INPP5F: variants seen among roughly 807,000 people sequenced by gnomAD.
The protein encoded by INPP5F is phosphatidylinositide 4-phosphatase SAC2.
Under a neutral mutation model 137.2 loss-of-function variants are expected in INPP5F, and 97 were observed. The ratio of observed to expected loss-of-function variants is 0.71; its 90% confidence interval spans 0.60 to 0.84. The LOEUF (loss-of-function observed/expected upper bound fraction) is 0.84. Among genes scored for constraint, INPP5F ranks in the 40% least tolerant of loss-of-function variants. The probability of loss-of-function intolerance (pLI) is 0.00; values close to 1 mark genes in which losing one functional copy is unlikely to be tolerated. For synonymous variants in INPP5F, 504 were observed against 476.9 expected (o/e 1.06, Z -0.74); for missense variants, 1,271 against 1,371.9 (o/e 0.93, Z 1.16).
At chr10:119,753,467 C>T (rs538546157) in intron 2 of INPP5F, among the ~76,000 whole-genome samples, 40 of 152,298 alleles carry the variant, frequency 2.6e-4, no homozygotes, top group Admixed American at 1.3e-3. Context: ...CTGCTCTTGT[C>T]TGTTGTGTTG....
chr10:119,825,207 C>A (rs940834720), intron 19 of INPP5F, among the ~76,000 whole-genome samples: 1 of 152,132 alleles, frequency 6.6e-6, no homozygotes, highest in Non-Finnish European at 1.5e-5. Context: ...TGACAGATAC[C>A]TTTGTCATGT....
intron 1 of INPP5F, among the ~76,000 whole-genome samples, chr10:119,730,324 G>T (rs1291346129): frequency 6.6e-6 from 1 of 152,170 alleles, no homozygotes; most frequent in Non-Finnish European, 1.5e-5. Context: ...TGGCCAGGCT[G>T]GTCTCGAACT....
intron 3 of INPP5F, among the ~76,000 whole-genome samples, chr10:119,790,263 CT>C (rs1850094130): frequency 6.6e-6 from 1 of 152,096 alleles, no homozygotes; most frequent in Non-Finnish European, 1.5e-5. Flanking sequence ...GTTCTGTCTT[CT>C]CTCCTTCCGT....
chr10:119,797,674 G>C, intron 8 of INPP5F, 34 bp downstream of exon 8: 1 of 1,506,496 alleles, frequency 6.6e-7, no homozygotes, highest in Non-Finnish European at 9.0e-7. Flanking sequence ...TGCAAATGAT[G>C]ATTTCAGAGA....
At position 119,757,861 on chromosome 10, in the gene INPP5F, TG is replaced by T. The variant is rs1477280724; in HGVS notation, c.178+6706del. 5.9e-5 allele frequency among the ~76,000 whole-genome samples: 9 copies of T among 152,358 alleles called. 1 individual carries two copies. Among genetic ancestry groups the T allele is most frequent in the Admixed American group, 5.9e-4 (9 of 15,304 alleles). Reference sequence around the variant, plus strand: ...ATATTAATTTTTTCTTTTTCTTTTTTGTCTGTCTTCTCATGGAAATAACCTC... The same window carrying T: ...ATATTAATTTTTTCTTTTTCTTTTTTTCTGTCTTCTCATGGAAATAACCTC... On this transcript the variant is annotated intron_variant, in intron 2 of 19. Transcript: ENST00000650623.
chr10:119,747,079 A>C (rs1279544926), intron 1 of INPP5F, among the ~76,000 whole-genome samples: 1 of 152,072 alleles, frequency 6.6e-6, no homozygotes, highest in Admixed American at 6.5e-5. Flanking sequence ...ATGAGCCACC[A>C]TGCCCGGCCA....
chr10:119,733,230 G>A (rs535380107), intron 1 of INPP5F, among the ~76,000 whole-genome samples: 3 of 152,308 alleles, frequency 2.0e-5, no homozygotes, highest in African/African-American at 7.2e-5. Flanking sequence ...AATGCTAATA[G>A]TGTGATAACT....
intron 2 of INPP5F, among the ~76,000 whole-genome samples, chr10:119,774,431 A>C (rs967084609): frequency 6.6e-6 from 1 of 151,768 alleles, no homozygotes. Flanking sequence ...CTCTAAATGA[A>C]AGTTCTGTGG....
chr10:119,775,209 A>T (rs77188913), intron 2 of INPP5F, among the ~76,000 whole-genome samples: 6,342 of 152,112 alleles, frequency 0.042, 238 homozygotes, highest in South Asian at 0.22. Context: ...AGAATCTAAA[A>T]TTTTTTTTGC....
chr10:119,819,687 C>A, intron 15 of INPP5F: 1 of 457,590 alleles, frequency 2.2e-6, no homozygotes, highest in Non-Finnish European at 3.8e-6. Flanking sequence ...TGTTCCCGGT[C>A]TTGGCATCTC....
At chr10:119,756,216 C>CT (rs1848838197) in intron 2 of INPP5F, among the ~76,000 whole-genome samples, 2 of 151,910 alleles carry the variant, frequency 1.3e-5, no homozygotes, top group Non-Finnish European at 2.9e-5. Flanking sequence ...TTTTTTCCCT[C>CT]TTAAAGATCC....
intron 2 of INPP5F, among the ~76,000 whole-genome samples, chr10:119,756,490 G>A (rs1411244206): frequency 6.6e-6 from 1 of 151,920 alleles, no homozygotes; most frequent in Non-Finnish European, 1.5e-5. Flanking sequence ...ACAAAAATTA[G>A]CTGGGTGTGG....
At chr10:119,735,814 C>T (rs1848199845) in intron 1 of INPP5F, among the ~76,000 whole-genome samples, 1 of 152,196 alleles carries the variant, frequency 6.6e-6, no homozygotes, top group African/African-American at 2.4e-5. Flanking sequence ...ATATTTATTT[C>T]TCCTAACAAA....
intron 2 of INPP5F, among the ~76,000 whole-genome samples, chr10:119,775,154 G>A (rs1178412459): frequency 6.6e-6 from 1 of 152,070 alleles, no homozygotes; most frequent in Non-Finnish European, 1.5e-5. Context: ...GTTTCCTTAG[G>A]GGGAAAAATC....
chr10:119,799,879 C>T (rs1425663150), intron 9 of INPP5F, among the ~76,000 whole-genome samples: 1 of 151,840 alleles, frequency 6.6e-6, no homozygotes, highest in African/African-American at 2.4e-5. Flanking sequence ...TATTGTCTTC[C>T]CATGTTTTCA....
intron 19 of INPP5F, among the ~76,000 whole-genome samples, chr10:119,826,221 A>G (rs562455706): frequency 6.6e-6 from 1 of 152,196 alleles, no homozygotes; most frequent in African/African-American, 2.4e-5. Flanking sequence ...CACTCACCAC[A>G]TGTGGTTGTG....
chr10:119,730,776 GATGAATCCC>G (rs1848033820), intron 1 of INPP5F, among the ~76,000 whole-genome samples: 14 of 137,520 alleles, frequency 1.0e-4, no homozygotes, highest in African/African-American at 3.8e-4. Context: ...TACTCTAAGT[GATGAATCCC>G]AGTGAACTTT....
chr10:119,774,389 C>T lies in INPP5F; in HGVS notation c.179-7246C>T, dbSNP rs1019884230. Among the ~76,000 whole-genome samples, 19 of 151,874 alleles carry T rather than the reference C, an allele frequency of 1.3e-4. No homozygotes were observed. The South Asian group carries it at 2.9e-3, about 23-fold the overall frequency. On this transcript the variant is annotated intron_variant, in intron 2 of 19. Coordinates refer to ENST00000650623, the MANE Select transcript of INPP5F (RefSeq NM_014937.4). ...AATGTTGAACCTGTGCATCCAGGCTCATGGTGCTTTCATGTATTTATTTTC... is the reference window on the plus strand; with the variant it reads ...AATGTTGAACCTGTGCATCCAGGCTTATGGTGCTTTCATGTATTTATTTTC...
At chr10:119,805,561 TTTTG>T (rs1850747374) in intron 11 of INPP5F, 100 bp downstream of exon 11, 1 of 796,952 alleles carries the variant, frequency 1.3e-6, no homozygotes, top group South Asian at 1.6e-5. Flanking sequence ...CAGCATTTTT[TTTTG>T]TTCGTTTTGC....
Sources: gnomAD v4.1 joint callset for allele counts (sites outside exome capture counted in the v4.1 genomes callset) on GRCh38, gnomAD v4.1.1 for gene constraint, MANE v1.5 for transcripts, NCBI Gene and HGNC (gene_info 2026-07-23, HGNC 2026-07-21) for gene names.